Variants in MIB1 observed in about 807,000 individuals in gnomAD.
MIB1 encodes the protein MIB E3 ubiquitin protein ligase 1.
A neutral mutation model predicts 124.5 loss-of-function variants in MIB1; 278 were observed. The ratio of observed to expected loss-of-function variants is 2.23; its 90% CI spans 2.02 to 2.47. MIB1 has a LOEUF of 2.47. Ranked by LOEUF, MIB1 falls within the 30% of genes most tolerant of loss-of-function variation. The pLI is 0.00. For missense variants in MIB1, 957 were observed against 1,254.4 expected (o/e 0.76, Z 3.58); for synonymous variants, 446 against 429.4 (o/e 1.04, Z -0.48).
At chr18:21,844,338 T>C in intron 15 of MIB1, 85 bp downstream of exon 15, 3 of 1,336,932 alleles carry the variant, frequency 2.2e-6, no homozygotes, top group Non-Finnish European at 2.1e-6. Flanking sequence ...CTAACCTGTA[T>C]TGGATAAAAT....
chr18:21,774,297 C>T (rs929597187), intron 4 of MIB1, among the ~76,000 whole-genome samples: 2 of 152,118 alleles, frequency 1.3e-5, no homozygotes, highest in Non-Finnish European at 2.9e-5. Context: ...ATTGTTCAAG[C>T]GCTGATCTTG....
At chr18:21,839,854 T>C (rs899351559) in intron 13 of MIB1, among the ~76,000 whole-genome samples, 3 of 152,216 alleles carry the variant, frequency 2.0e-5, no homozygotes, top group African/African-American at 7.2e-5. Context: ...CTCTTGCACA[T>C]ATTAGATTTG....
At chr18:21,724,765 T>A (rs2040733449) in intron 1 of MIB1, among the ~76,000 whole-genome samples, 1 of 108,498 alleles carries the variant, frequency 9.2e-6, no homozygotes, top group African/African-American at 3.6e-5. Flanking sequence ...TATATATATA[T>A]ATATATATTA....
intron 2 of MIB1, among the ~76,000 whole-genome samples, chr18:21,767,289 T>C (rs976498499): frequency 5.3e-5 from 8 of 152,096 alleles, no homozygotes; most frequent in Admixed American, 4.6e-4. Flanking sequence ...AACACGCCCT[T>C]CCTTCTTCAC....
At position 21,870,068 on chromosome 18, in the gene MIB1, G is replaced by T. The variant is rs1319669205; in HGVS notation, c.*5402G>T. The T allele has an allele frequency of 6.6e-6, 1 of 152,452 alleles. No individual in the cohort carries two copies. Among genetic ancestry groups the T allele is most frequent in the Non-Finnish European group, 1.5e-5 (1 of 67,940 alleles). The allele number at this position is 152,452 out of a possible 1,614,324, so 9.4% of individuals were successfully genotyped here. On this transcript the variant is annotated 3_prime_UTR_variant, in exon 21 of 21. Coordinates refer to ENST00000261537, the MANE Select transcript of MIB1 (RefSeq NM_020774.4). ...TGAATATAGTTTCCGTATGGCAAATGATTTCTTGCTTATTAGCTTTTGTTA... is the reference window on the plus strand; with the variant it reads ...TGAATATAGTTTCCGTATGGCAAATTATTTCTTGCTTATTAGCTTTTGTTA...
chr18:21,849,515 G>A (rs2042164341), intron 17 of MIB1, 127 bp downstream of exon 17: 3 of 463,580 alleles, frequency 6.5e-6, no homozygotes, highest in Non-Finnish European at 1.1e-5. Flanking sequence ...TTAAATATAG[G>A]AATATATAAT....
At chr18:21,816,562 A>T (rs1411157520) in intron 11 of MIB1, among the ~76,000 whole-genome samples, 1 of 152,232 alleles carries the variant, frequency 6.6e-6, no homozygotes, top group African/African-American at 2.4e-5. Flanking sequence ...CTGAAATACT[A>T]TTTGAATATG....
chr18:21,740,106 G>A (rs749816301), upstream of MIB1, among the ~76,000 whole-genome samples: 28 of 152,146 alleles, frequency 1.8e-4, no homozygotes, highest in Non-Finnish European at 3.1e-4. Context: ...CATGCTAACG[G>A]TGCCAACAGT....
In MIB1 at chr18:21,734,652, C is replaced by G. The variant is rs534717668; in HGVS notation, n.167+29529C>G. On this transcript the variant is annotated intron_variant and non_coding_transcript_variant, in intron 1 of 20. Transcript: ENST00000578646. Reference sequence around the variant, plus strand: ...CAAGTGATTCTTTTGCCTCAGCCTCCCGAGTAGCTGGGACTACAAGCGCAT... The same window carrying G: ...CAAGTGATTCTTTTGCCTCAGCCTCGCGAGTAGCTGGGACTACAAGCGCAT... Among the ~76,000 whole-genome samples the G allele has an allele frequency of 3.3e-5, 5 of 151,368 alleles. No individual in the cohort carries two copies. In the East Asian group the frequency reaches 9.8e-4, roughly 30 times the overall value.
intron 7 of MIB1, among the ~76,000 whole-genome samples, chr18:21,796,168 T>A (rs959036954): frequency 6.6e-6 from 1 of 152,182 alleles, no homozygotes; most frequent in Non-Finnish European, 1.5e-5. Context: ...TTCTGGATAT[T>A]AGACCTTTGT....
chr18:21,778,196 C>G, intron 5 of MIB1, 27 bp downstream of exon 5: 6 of 1,451,746 alleles, frequency 4.1e-6, no homozygotes, highest in Non-Finnish European at 5.8e-6. Context: ...GAGAGTATTA[C>G]TAAATAATGG....
rs1434410337 is a variant in MIB1, at chr18:21,761,983, T to TG, written c.230-3782dup. On this transcript the variant is annotated intron_variant, in intron 1 of 20. Coordinates refer to ENST00000261537, the MANE Select transcript of MIB1 (RefSeq NM_020774.4). ...GCTAATAATGGGTGGGAGTACACGG[T>TG]GGGGGGGACTTTCACATTTTGTTCT... 1.1e-4 allele frequency among the ~76,000 whole-genome samples: 17 copies of TG among 152,058 alleles called. No individual in the cohort carries two copies. The South Asian group carries it at 2.9e-3, about 26-fold the overall frequency.
At chr18:21,720,593 A>C (rs1274697044) in intron 1 of MIB1, among the ~76,000 whole-genome samples, 1 of 152,116 alleles carries the variant, frequency 6.6e-6, no homozygotes, top group Non-Finnish European at 1.5e-5. Flanking sequence ...CAAACAGAAG[A>C]AAAAAATGGA....
intron 1 of MIB1, among the ~76,000 whole-genome samples, chr18:21,761,305 G>A (rs951554103): frequency 1.3e-5 from 2 of 151,222 alleles, no homozygotes; most frequent in African/African-American, 4.9e-5. Flanking sequence ...TCTGGTGCAG[G>A]GCTATTAAAC....
At chr18:21,766,906 A>C (rs1802302173) in intron 2 of MIB1, among the ~76,000 whole-genome samples, 1 of 152,166 alleles carries the variant, frequency 6.6e-6, no homozygotes, top group African/African-American at 2.4e-5. Context: ...AAAGAATAGA[A>C]CAATAAAATA....
chr18:21,788,733 A>G (rs1402423665), intron 6 of MIB1, among the ~76,000 whole-genome samples: 1 of 152,254 alleles, frequency 6.6e-6, no homozygotes, highest in African/African-American at 2.4e-5. Flanking sequence ...AGAATCCACA[A>G]AAGCTATTGT....
intron 9 of MIB1, among the ~76,000 whole-genome samples, chr18:21,803,381 G>A (rs1363880429): frequency 6.6e-6 from 1 of 152,184 alleles, no homozygotes; most frequent in African/African-American, 2.4e-5. Flanking sequence ...TGAAGGAAAG[G>A]TTGGAAATTA....
Position 21,709,055 on chromosome 18 carries a change from G to GC in MIB1, n.167+3934dup, listed in dbSNP as rs1248901613. Among the ~76,000 whole-genome samples the GC allele has an allele frequency of 2.6e-5, 4 of 152,248 alleles. No homozygotes were observed. In the East Asian group the frequency reaches 7.7e-4, roughly 29 times the overall value. ...GGCGAGGCCGGGCGCGGTGGCTCACGCCTGTAATCCCAGCACTTTGGGAGG... is the reference window on the plus strand; with the variant it reads ...GGCGAGGCCGGGCGCGGTGGCTCACGCCCTGTAATCCCAGCACTTTGGGAGG... On this transcript the variant is annotated intron_variant and non_coding_transcript_variant, in intron 1 of 20. Coordinates refer to the MIB1 transcript ENST00000578646.
Position 21,741,847 on chromosome 18 carries a change from G to C in MIB1, c.229+35G>C. 1.3e-6 allele frequency: 2 copies of C among 1,522,782 alleles called. No individual in the cohort carries two copies. Among genetic ancestry groups the C allele is most frequent in the Non-Finnish European group, 1.8e-6 (2 of 1,130,616 alleles). The allele number at this position is 1,522,782 out of a possible 1,614,324, so 94.3% of individuals were successfully genotyped here. ...GGCCACCTGGCCAGGGCTTGCGCGC[G>C]CGGGGGGAAGGGGCGAGCTGCGGTG... On this transcript the variant is annotated intron_variant, in intron 1 of 20. Transcript: ENST00000261537. The surrounding 1 kb of genome is among the most constrained non-coding windows in gnomAD (Gnocchi z 5.4).
Sources: gnomAD v4.1 joint callset for allele counts (sites outside exome capture counted in the v4.1 genomes callset) on GRCh38, gnomAD v4.1.1 for gene constraint, Gnocchi (gnomAD v3.1) non-coding constraint, MANE v1.5 for transcripts, NCBI Gene and HGNC (gene_info 2026-07-23, HGNC 2026-07-21) for gene names.